Variants in HEATR5B observed in about 807,000 individuals in gnomAD.
HEATR5B encodes HEAT repeat-containing protein 5B.
HEATR5B carries 156 observed loss-of-function variants against 224.1 expected under a neutral mutation model. The observed-to-expected ratio is 0.70, with a 90% CI of 0.61 to 0.80. The LOEUF (loss-of-function observed/expected upper bound fraction) is 0.80, where lower values mean the gene tolerates loss of function less well. HEATR5B is among the 30% of genes least tolerant of loss of function. The pLI is 0.00. For missense variants in HEATR5B, 2,323 were observed against 2,535.5 expected (o/e 0.92, Z 1.80); for synonymous variants, 1,027 against 893.0 (o/e 1.15, Z -2.68).
At chr2:37,011,319 C>A (rs1224865814) in intron 27 of HEATR5B, among the ~76,000 whole-genome samples, 1 of 152,174 alleles carries the variant, frequency 6.6e-6, no homozygotes, top group Admixed American at 6.5e-5. Flanking sequence ...GCATGGTAAT[C>A]TAAGTATGCA....
chr2:37,051,926 G>A (rs185910476), intron 17 of HEATR5B, among the ~76,000 whole-genome samples: 110 of 152,166 alleles, frequency 7.2e-4, no homozygotes, highest in Admixed American at 2.1e-3. Context: ...TTTTAGTAGA[G>A]ATGGAGTTTC....
In HEATR5B at chr2:37,003,682, A is replaced by G. The variant is rs1667235610; in HGVS notation, c.4910T>C (p.Ile1637Thr). The change falls in exon 31 of 36, where the codon ATA becomes ACA. Residue 1637 changes from isoleucine to threonine, a missense_variant. Ile to Thr is a moderately conservative substitution (Grantham distance 89). This residue lies in a region of HEATR5B where 844 missense variants were observed against 812.9 expected (regional missense o/e 1.04). Transcript: ENST00000233099. Reference protein sequence around the residue: ...ARVHIAEDQLIGVELLSVLHR... With the variant: ...ARVHIAEDQLTGVELLSVLHR... ...CAAAACACTCAGCAACTCAACACCT[A>G]TCAGCTAATACAAATAAATACAAAT... The G allele has an allele frequency of 2.5e-6, 4 of 1,597,402 alleles. No homozygotes were observed. Among genetic ancestry groups the G allele is most frequent in the African/African-American group, 1.3e-5 (1 of 74,230 alleles).
intron 33 of HEATR5B, among the ~76,000 whole-genome samples, chr2:36,994,722 AAAATT>A (rs1395861293): frequency 8.5e-5 from 13 of 152,140 alleles, no homozygotes; most frequent in African/African-American, 1.9e-4. Flanking sequence ...CCCCTCAACA[AAAATT>A]AAATTAATTA....
chr2:37,065,291 T>C (rs1245803674), intron 9 of HEATR5B, among the ~76,000 whole-genome samples: 3 of 152,144 alleles, frequency 2.0e-5, no homozygotes, highest in Admixed American at 6.6e-5. Flanking sequence ...AAACTTTATT[T>C]AACCATTTAA....
chr2:37,040,663 C>T, intron 19 of HEATR5B, 145 bp from the exon 20 acceptor site: 1 of 594,532 alleles, frequency 1.7e-6, no homozygotes, highest in Middle Eastern at 3.6e-4. Context: ...AGGATGTTTT[C>T]ATACACATTC....
chr2:37,018,975 C>G (rs1331187253), intron 26 of HEATR5B, among the ~76,000 whole-genome samples: 1 of 152,060 alleles, frequency 6.6e-6, no homozygotes, highest in Non-Finnish European at 1.5e-5. Context: ...GCCTGACCAA[C>G]ATGGTGAAAC....
chr2:37,019,683 C>A, intron 26 of HEATR5B, 126 bp downstream of exon 26: 1 of 628,532 alleles, frequency 1.6e-6, no homozygotes, highest in Non-Finnish European at 2.8e-6. Flanking sequence ...TCTCAAACTC[C>A]TGAATTCAAG....
intron 5 of HEATR5B, 58 bp downstream of exon 5, chr2:37,075,427 T>C (rs1218616581): frequency 7.4e-7 from 1 of 1,346,240 alleles, no homozygotes; most frequent in South Asian, 1.7e-5. Flanking sequence ...AAAAAATCGT[T>C]GACTGTTTAA....
chr2:36,990,177 G>A (rs1315078076), intron 34 of HEATR5B, among the ~76,000 whole-genome samples: 1 of 151,984 alleles, frequency 6.6e-6, no homozygotes, highest in Non-Finnish European at 1.5e-5. Context: ...TTACAGGCGT[G>A]AGCCACCGCA....
At position 37,059,446 on chromosome 2, in the gene HEATR5B, G is replaced by GTATA. The variant is rs869310641; in HGVS notation, c.1850-463_1850-460dup. Among the ~76,000 whole-genome samples the GTATA allele has an allele frequency of 7.6e-3, 321 of 42,274 alleles. 5 individuals carry two copies. Among genetic ancestry groups the GTATA allele is most frequent in the African/African-American group, 0.024 (296 of 12,464 alleles). The allele number at this position is 42,274 out of a possible 152,430, so 27.7% of individuals were successfully genotyped here. A position where few individuals can be genotyped will look rare whatever the true frequency, so the allele number is the denominator to read the frequency against. On this transcript the variant is annotated intron_variant, in intron 12 of 35. Transcript: ENST00000233099. ...TGTGTGTGTGTGTGTGTGTGTGTGTGTATATATATATATATATATTTTTTT... is the reference window on the plus strand; with the variant it reads ...TGTGTGTGTGTGTGTGTGTGTGTGTGTATATATATATATATATATATATTTTTTT...
chr2:37,072,564 A>G (rs539578901), intron 5 of HEATR5B, among the ~76,000 whole-genome samples: 2 of 152,230 alleles, frequency 1.3e-5, no homozygotes, highest in South Asian at 2.1e-4. Context: ...GAAGGGTCTC[A>G]AATCAATAAC....
intron 35 of HEATR5B, among the ~76,000 whole-genome samples, chr2:36,983,627 C>T (rs1665731830): frequency 6.6e-6 from 1 of 151,768 alleles, no homozygotes; most frequent in South Asian, 2.1e-4. Context: ...ACTCTGGAGG[C>T]TGAGGCAGGA....
At chr2:37,049,559 G>T in intron 18 of HEATR5B, 94 bp downstream of exon 18, 1 of 1,079,370 alleles carries the variant, frequency 9.3e-7, no homozygotes, top group Non-Finnish European at 1.4e-6. Flanking sequence ...ATCACATGCT[G>T]TATACCATGT....
At position 37,005,657 on chromosome 2, in the gene HEATR5B, G is replaced by C; in HGVS notation, c.4880C>G (p.Ala1627Gly). 1 of 1,613,586 alleles carries C rather than the reference G, an allele frequency of 6.2e-7. No homozygotes were observed. Among genetic ancestry groups the C allele is most frequent in the South Asian group, 1.1e-5 (1 of 91,072 alleles). Reference protein sequence around the residue: ...ALHTLLDSPYARVHIAEDQLI... With the variant: ...ALHTLLDSPYGRVHIAEDQLI... ...CTGATCTTCTGCAATATGGACTCGA[G>C]CATAAGGGGAGTCTAGCAAGGTATG... The change falls in exon 30 of 36, where the codon GCT (alanine) becomes GGT (glycine). Residue 1627 changes from alanine to glycine, a missense_variant. Physicochemically the swap from Ala to Gly is moderately conservative, Grantham distance 60. Transcript: ENST00000233099.
intron 34 of HEATR5B, 40 bp downstream of exon 34, chr2:36,990,608 G>T: frequency 1.4e-6 from 2 of 1,463,540 alleles, no homozygotes; most frequent in Non-Finnish European, 1.8e-6. Flanking sequence ...CCTGATAAAG[G>T]GAAATGTTTT....
chr2:37,038,019 C>G lies in HEATR5B; in HGVS notation c.3052G>C (p.Gly1018Arg). The change falls in exon 21 of 36, where the codon GGA becomes CGA. Residue 1018 changes from glycine (G) to arginine (R), a missense_variant. Around this residue, in one of 12 missense-constraint regions of HEATR5B, gnomAD observed 88 missense variants for 86.8 expected, o/e 1.01. Coordinates refer to ENST00000233099, the MANE Select transcript of HEATR5B (RefSeq NM_019024.3). ...TTVGPELQGN[G>R]ATTSTIRSSC... is the part of the protein sequence containing the mutation. The stretch of plus-strand genomic sequence containing the variant: ...GAACGAATTGTAGAAGTTGTTGCTC[C>G]ATTCCCTGGTGCAAAATGAAAGAAA... 3.3e-6 allele frequency: 5 copies of G among 1,508,148 alleles called. No homozygotes were observed. The highest frequency in any genetic ancestry group is 4.5e-6 in the Non-Finnish European group (5 of 1,122,504). 93.4% of individuals were successfully genotyped at this position (1,508,148 alleles called of 1,614,324 possible). A position where few individuals can be genotyped will look rare whatever the true frequency, so the allele number is the denominator to read the frequency against.
chr2:37,057,556 G>A, intron 14 of HEATR5B, 76 bp from the exon 15 acceptor site: 1 of 926,392 alleles, frequency 1.1e-6, no homozygotes, highest in Non-Finnish European at 1.6e-6. Flanking sequence ...ACAAAGAGCT[G>A]CAACATGTTC....
Position 37,058,904 on chromosome 2 carries a change from T to C in HEATR5B, c.1933A>G (p.Met645Val). 1.2e-6 allele frequency: 2 copies of C among 1,604,078 alleles called. No homozygotes were observed. Among genetic ancestry groups the C allele is most frequent in the South Asian group, 1.1e-5 (1 of 89,836 alleles). The change falls in exon 13 of 36, where the codon ATG (methionine) becomes GTG (valine). Residue 645 changes from methionine to valine, a missense_variant. Coordinates refer to ENST00000233099, the MANE Select transcript of HEATR5B (RefSeq NM_019024.3). ...CTTACTTACTGTGACATCATAGTCA[T>C]GGCACATTCAATAGGGGTCATCAAT... ...RKLMTPIECAMTMMSHIPSVM... is the reference protein window; with the variant it reads ...RKLMTPIECAVTMMSHIPSVM...
intron 35 of HEATR5B, among the ~76,000 whole-genome samples, chr2:36,984,442 AC>A (rs1202463203): frequency 6.6e-6 from 1 of 151,796 alleles, no homozygotes; most frequent in Admixed American, 6.6e-5. Flanking sequence ...CAAGAGAATC[AC>A]AAAACTGAGG....
Sources: allele counts gnomAD v4.1 joint callset (sites outside exome capture counted in the v4.1 genomes callset), GRCh38; gene constraint gnomAD v4.1.1; regional missense constraint gnomAD v4.1.1; transcripts MANE v1.5; gene names NCBI Gene and HGNC (gene_info 2026-07-23, HGNC 2026-07-21).